Variants in MINDY2 observed in about 807,000 individuals in gnomAD.
The protein encoded by MINDY2 is ubiquitin carboxyl-terminal hydrolase MINDY-2.
MINDY2 carries 52 observed loss-of-function variants against 68.2 expected under a neutral mutation model. The observed-to-expected ratio is 0.76, with a 90% CI of 0.61 to 0.96. MINDY2 has a LOEUF of 0.96. MINDY2 is among the 40% of genes least tolerant of loss of function. The pLI, the probability that MINDY2 is intolerant of heterozygous loss-of-function variation, is 0.00. For missense variants in MINDY2, 881 were observed against 773.4 expected (o/e 1.14, Z -1.65); for synonymous variants, 372 against 303.0 (o/e 1.23, Z -2.36).
intron 6 of MINDY2, among the ~76,000 whole-genome samples, chr15:58,846,671 T>A (rs1325170947): frequency 6.6e-6 from 1 of 150,504 alleles, no homozygotes; most frequent in Non-Finnish European, 1.5e-5. Context: ...AATTAAAAAT[T>A]AAAAAAAAAT....
chr15:58,854,400 T>C (rs1168687410), intron 8 of MINDY2, 82 bp from the exon 9 acceptor site: 1 of 1,486,974 alleles, frequency 6.7e-7, no homozygotes, highest in African/African-American at 1.4e-5. Context: ...CCTTCCACTG[T>C]TACAGTTTTC....
intron 2 of MINDY2, among the ~76,000 whole-genome samples, chr15:58,792,366 G>A (rs1446568100): frequency 1.3e-5 from 2 of 152,204 alleles, no homozygotes; most frequent in Non-Finnish European, 2.9e-5. Context: ...CCAGCATTTT[G>A]GGAGGCCAAG....
At chr15:58,850,473 G>C (rs1284010771) in intron 7 of MINDY2, among the ~76,000 whole-genome samples, 1 of 152,130 alleles carries the variant, frequency 6.6e-6, no homozygotes, top group African/African-American at 2.4e-5. Flanking sequence ...TCTATGTAAT[G>C]ATATTATGGT....
At chr15:58,825,972 G>A (rs1024632209) in intron 5 of MINDY2, among the ~76,000 whole-genome samples, 2 of 152,082 alleles carry the variant, frequency 1.3e-5, no homozygotes, top group African/African-American at 4.8e-5. Flanking sequence ...TCTAGGATAT[G>A]TATTCGTTAA....
At chr15:58,809,343 T>C (rs1270962800) in intron 3 of MINDY2, among the ~76,000 whole-genome samples, 2 of 152,246 alleles carry the variant, frequency 1.3e-5, no homozygotes, top group Non-Finnish European at 2.9e-5. Context: ...CTTTTGTGAC[T>C]GGCTTATTTC....
chr15:58,807,424 C>A (rs1250577540), intron 3 of MINDY2, among the ~76,000 whole-genome samples: 1 of 146,320 alleles, frequency 6.8e-6, no homozygotes, highest in African/African-American at 2.5e-5. Context: ...GGCGCGATCT[C>A]CACTCACTGC....
At chr15:58,823,434 G>T (rs576194195) in intron 5 of MINDY2, among the ~76,000 whole-genome samples, 1 of 152,168 alleles carries the variant, frequency 6.6e-6, no homozygotes, top group East Asian at 1.9e-4. Flanking sequence ...AGCACTTTGG[G>T]AGGCTGAGGC....
At chr15:58,803,193 G>A (rs1448798281) in intron 3 of MINDY2, among the ~76,000 whole-genome samples, 1 of 152,096 alleles carries the variant, frequency 6.6e-6, no homozygotes, top group Non-Finnish European at 1.5e-5. Flanking sequence ...TTGGCTGGGC[G>A]TGGTGGCTCA....
At chr15:58,854,253 A>T (rs1273344868) in intron 8 of MINDY2, among the ~76,000 whole-genome samples, 12 of 152,100 alleles carry the variant, frequency 7.9e-5, no homozygotes, top group African/African-American at 2.9e-4. Context: ...CAAAAAAAAA[A>T]AAAGGAAAAG....
intron 2 of MINDY2, among the ~76,000 whole-genome samples, chr15:58,795,109 G>A (rs555161223): frequency 6.6e-6 from 1 of 152,016 alleles, no homozygotes; most frequent in African/African-American, 2.4e-5. Flanking sequence ...CTGGGAGGCG[G>A]AGCTTGCAGT....
chr15:58,773,610 T>C (rs1900580024), intron 1 of MINDY2, among the ~76,000 whole-genome samples: 1 of 152,128 alleles, frequency 6.6e-6, no homozygotes, highest in African/African-American at 2.4e-5. Context: ...ATGCATTTGA[T>C]ATTCAAAAAG....
chr15:58,821,083 AAAGTTT>A (rs1269172772), intron 4 of MINDY2, among the ~76,000 whole-genome samples: 1 of 151,666 alleles, frequency 6.6e-6, no homozygotes, highest in Admixed American at 6.6e-5. Flanking sequence ...CTATAGCTTA[AAAGTTT>A]AAGTTTACTG....
At position 58,814,902 on chromosome 15, in the gene MINDY2, C is replaced by G. The variant is rs192661066; in HGVS notation, c.1122+4514C>G. 4.2e-3 allele frequency among the ~76,000 whole-genome samples: 639 copies of G among 151,288 alleles called. 6 individuals are homozygous for G. The highest frequency in any genetic ancestry group is 6.7e-3 in the Non-Finnish European group (457 of 67,918). On this transcript the variant is annotated intron_variant, in intron 4 of 8. Coordinates refer to ENST00000559228, the MANE Select transcript of MINDY2 (RefSeq NM_001040450.3). ...AAGCAGTCTTCCCACCTCAGCCTCT[C>G]AGAGTGCCGAGGTTACAAATGTGAG...
At chr15:58,822,414 T>TG (rs1287872715) in intron 5 of MINDY2, among the ~76,000 whole-genome samples, 1 of 152,226 alleles carries the variant, frequency 6.6e-6, no homozygotes, top group Admixed American at 6.5e-5. Context: ...CAGAGGTTAC[T>TG]GATAATTACT....
chr15:58,796,627 A>C (rs1213653037), intron 2 of MINDY2, among the ~76,000 whole-genome samples: 6 of 152,146 alleles, frequency 3.9e-5, no homozygotes, highest in African/African-American at 1.4e-4. Flanking sequence ...AGGTTCAAGC[A>C]ATTCTCTTGC....
intron 2 of MINDY2, among the ~76,000 whole-genome samples, chr15:58,801,254 A>G (rs1481929758): frequency 6.6e-6 from 1 of 151,928 alleles, no homozygotes; most frequent in African/African-American, 2.4e-5. Context: ...GATTATAGGC[A>G]TGAGCCATCA....
chr15:58,805,771 G>GT (rs34186551), intron 3 of MINDY2, among the ~76,000 whole-genome samples: 39,199 of 152,018 alleles, frequency 0.26, 5,550 homozygotes, highest in East Asian at 0.61. Flanking sequence ...ATCAGTTGTT[G>GT]TTTTTTATTA....
chr15:58,821,671 G>A, intron 4 of MINDY2, 46 bp from the exon 5 acceptor site: 1 of 1,196,718 alleles, frequency 8.4e-7, no homozygotes, highest in Non-Finnish European at 1.2e-6. Context: ...CTTTTGTTTT[G>A]TTCCTAATCT....
intron 2 of MINDY2, among the ~76,000 whole-genome samples, chr15:58,788,663 C>A (rs384322): frequency 0.039 from 5,891 of 152,226 alleles, 131 homozygotes; most frequent in African/African-American, 0.06. Flanking sequence ...TATATTTATA[C>A]TATCACCAAA....
Sources: allele counts gnomAD v4.1 joint callset (sites outside exome capture counted in the v4.1 genomes callset), GRCh38; gene constraint gnomAD v4.1.1; transcripts MANE v1.5; gene names NCBI Gene and HGNC (gene_info 2026-07-23, HGNC 2026-07-21).